Variants in PDCD4 observed in about 807,000 individuals in gnomAD.
PDCD4 encodes programmed cell death 4, also known as programmed cell death protein 4.
A neutral mutation model predicts 54.0 loss-of-function variants in PDCD4; 56 were observed. That is an observed-to-expected ratio of 1.04 (90% CI 0.84 to 1.30). PDCD4 has a LOEUF of 1.30. Ranked by LOEUF, PDCD4 falls within the 50% of genes most tolerant of loss-of-function variation. PDCD4 has a pLI of 0.00. For synonymous variants in PDCD4, 186 were observed against 194.8 expected, an observed-to-expected ratio of 0.95 and a Z score of 0.37; for missense variants, 584 against 559.8, an observed-to-expected ratio of 1.04 and a Z score of -0.44.
At position 110,894,497 on chromosome 10, in the gene PDCD4, C is replaced by A; in HGVS notation, c.1184C>A (p.Thr395Asn). The change falls in exon 10 of 12, where the codon ACC (threonine) becomes AAC (asparagine). Residue 395 changes from threonine to asparagine, a missense_variant. By Grantham distance (65) the Thr-to-Asn change is moderately conservative. Transcript: ENST00000280154. ...TTAAAGTCCCTTTGGAAGTCTTCTA[C>A]CATTACTGTAGACCAAATGAAAAGA... Reference protein sequence around the residue: ...DLLKSLWKSSTITVDQMKRGY... With the variant: ...DLLKSLWKSSNITVDQMKRGY... 1 of 1,511,758 alleles carries A rather than the reference C, an allele frequency of 6.6e-7. No individual in the cohort carries two copies. Among genetic ancestry groups the A allele is most frequent in the Non-Finnish European group, 9.2e-7 (1 of 1,089,404 alleles). The allele number at this position is 1,511,758 out of a possible 1,614,324, so 93.6% of individuals were successfully genotyped here. A position where few individuals can be genotyped will look rare whatever the true frequency, so the allele number is the denominator to read the frequency against.
chr10:110,881,170 A>C (rs1022826386), intron 2 of PDCD4, 63 bp from the exon 3 acceptor site: 1 of 1,207,028 alleles, frequency 8.3e-7, no homozygotes, highest in Admixed American at 2.1e-5. Context: ...ACTTACCACT[A>C]TATCTATAAA....
chr10:110,881,509 G>T lies in PDCD4; in HGVS notation c.320G>T (p.Gly107Val). Residue 107 changes from glycine (G) to valine (V), a missense_variant, in exon 3 of 12, where the codon GGG (glycine) becomes GTG (valine). Gly to Val is a moderately radical substitution (Grantham distance 109, BLOSUM62 -3). Transcript: ENST00000280154. ...TTGCTGGATAGGCGATCCAGATCTG[G>T]GAAAGGAAGGGGACTACCAAAGAAA... is the stretch of plus-strand genomic sequence containing the variant. ...GRLLDRRSRS[G>V]KGRGLPKKGG... The T allele has an allele frequency of 6.2e-7, 1 of 1,612,304 alleles. No individual in the cohort carries two copies. Among genetic ancestry groups the T allele is most frequent in the Non-Finnish European group, 8.5e-7 (1 of 1,178,420 alleles).
rs1845614735 is a variant in PDCD4, at chr10:110,882,993, A to G, written c.347-10A>G. ...TGTGTTTTTTCTTTCTCAATGCTAA[A>G]CTTTTTCAGGTGGTGCAGGAGGCAA... On this transcript the variant is annotated splice_polypyrimidine_tract_variant and intron_variant, in intron 3 of 11. Coordinates refer to ENST00000280154, the MANE Select transcript of PDCD4 (RefSeq NM_014456.5). 1.3e-6 allele frequency: 2 copies of G among 1,564,264 alleles called. No homozygotes were observed. Among genetic ancestry groups the G allele is most frequent in the East Asian group, 2.3e-5 (1 of 43,308 alleles).
intron 7 of PDCD4, 104 bp from the exon 8 acceptor site, chr10:110,890,452 T>C (rs1426398045): frequency 2.0e-6 from 1 of 494,188 alleles, no homozygotes. Context: ...TTTTATGTTA[T>C]GTGAAAGATT....
Position 110,876,043 on chromosome 10 carries a change from G to A in PDCD4, c.16G>A (p.Glu6Lys). The change falls in exon 2 of 12, where the codon GAG becomes AAG. Residue 6 changes from glutamate (E) to lysine (K), a missense_variant. Transcript: ENST00000280154. MDVEN[E>K]QILNVNPADP... Reference sequence around the variant, plus strand: ...TTAAGGGAAAATGGATGTAGAAAATGAGCAGATACTGAATGTAAACCCTGC... The same window carrying A: ...TTAAGGGAAAATGGATGTAGAAAATAAGCAGATACTGAATGTAAACCCTGC... 1 of 1,610,724 alleles carries A rather than the reference G, an allele frequency of 6.2e-7. No individual in the cohort carries two copies. The highest frequency in any genetic ancestry group is 1.7e-5 in the Admixed American group (1 of 59,670).
At chr10:110,878,292 G>A (rs1317342116) in intron 2 of PDCD4, among the ~76,000 whole-genome samples, 2 of 152,176 alleles carry the variant, frequency 1.3e-5, no homozygotes, top group African/African-American at 4.8e-5. Context: ...TACTGCTGCA[G>A]AGACACAAAC....
intron 2 of PDCD4, chr10:110,876,693 G>A: frequency 8.0e-7 from 1 of 1,254,508 alleles, no homozygotes; most frequent in Non-Finnish European, 1.0e-6. Context: ...ATTCTCCATG[G>A]TGCTTCAATA....
chr10:110,879,555 G>T (rs575195051), intron 2 of PDCD4, among the ~76,000 whole-genome samples: 1 of 151,930 alleles, frequency 6.6e-6, no homozygotes, highest in East Asian at 1.9e-4. Flanking sequence ...GTCCCAGCTG[G>T]GGCAGGAGAA....
intron 4 of PDCD4, 60 bp from the exon 5 acceptor site, chr10:110,885,193 A>G (rs530307854): frequency 1.8e-5 from 14 of 775,648 alleles, no homozygotes; most frequent in South Asian, 1.4e-4. Context: ...TTGTACAACA[A>G]TTTCACTTGT....
At chr10:110,895,414 C>CT (rs964640144) in intron 10 of PDCD4, among the ~76,000 whole-genome samples, 1 of 152,054 alleles carries the variant, frequency 6.6e-6, no homozygotes, top group African/African-American at 2.4e-5. Flanking sequence ...TGATTTTGTT[C>CT]TTTTTTATGG....
rs1408975021 is a variant in PDCD4, at chr10:110,883,861, T to C, written c.441+764T>C. On this transcript the variant is annotated intron_variant, in intron 4 of 11. Transcript: ENST00000280154. ...GTATGTATTTAAGTGTTTTAACTAA[T>C]AGATATGGAAATATTTCTAAGAGAA... Among the ~76,000 whole-genome samples the C allele has an allele frequency of 2.0e-5, 3 of 151,494 alleles. No homozygotes were observed. In the East Asian group the frequency reaches 5.8e-4, roughly 29 times the overall value.
intron 5 of PDCD4, 132 bp downstream of exon 5, chr10:110,885,498 A>G (rs2135205306): frequency 2.1e-6 from 1 of 481,578 alleles, no homozygotes; most frequent in Non-Finnish European, 3.7e-6. Context: ...GTGAATTTCT[A>G]AGAAATGGAA....
In PDCD4 at chr10:110,889,635, G is replaced by A. The variant is rs1845726446; in HGVS notation, c.875+5G>A. On this transcript the variant is annotated splice_donor_5th_base_variant and intron_variant, in intron 7 of 11. Transcript: ENST00000280154. ...TGTAGATTGTGTGCAGGCTAGGTAA[G>A]TAAATCACTTTTCCTACTTAGAATT... 4 of 1,487,668 alleles carry A rather than the reference G, an allele frequency of 2.7e-6. No individual in the cohort carries two copies. In the East Asian group the frequency reaches 6.8e-5, roughly 25 times the overall value. 92.2% of individuals were successfully genotyped at this position (1,487,668 alleles called of 1,614,324 possible). A position where few individuals can be genotyped will look rare whatever the true frequency, so the allele number is the denominator to read the frequency against.
rs776390161 is a variant in PDCD4, at chr10:110,894,120, C to T, written c.1020C>T (p.Leu340=). 10 of 1,606,088 alleles carry T rather than the reference C, an allele frequency of 6.2e-6. 1 individual carries two copies. The Admixed American group carries it at 1.3e-4, about 21-fold the overall frequency. Residue 340 remains leucine, a synonymous_variant, in exon 9 of 12, where the codon CTC becomes CTT. Coordinates refer to ENST00000280154, the MANE Select transcript of PDCD4 (RefSeq NM_014456.5). ...EIDMLLKEYL[L]SGDISEAEHC... ...ATATGCTGCTGAAAGAATATTTACTCTCTGGAGACATATCTGAAGCTGAAC... is the reference window on the plus strand; with the variant it reads ...ATATGCTGCTGAAAGAATATTTACTTTCTGGAGACATATCTGAAGCTGAAC...
chr10:110,894,712 C>G (rs2134006054), intron 10 of PDCD4, among the ~76,000 whole-genome samples, 190 bp downstream of exon 10: 1 of 146,464 alleles, frequency 6.8e-6, no homozygotes, highest in South Asian at 2.1e-4. Context: ...GAAAGTAACA[C>G]TGCAGTGTTT....
intron 4 of PDCD4, among the ~76,000 whole-genome samples, chr10:110,883,662 C>T (rs1279724913): frequency 2.6e-5 from 4 of 152,084 alleles, no homozygotes; most frequent in Non-Finnish European, 5.9e-5. Flanking sequence ...TACTCTCCGT[C>T]TTCTATTGGC....
At chr10:110,878,657 T>C (rs1024657532) in intron 2 of PDCD4, among the ~76,000 whole-genome samples, 2 of 152,242 alleles carry the variant, frequency 1.3e-5, no homozygotes, top group Non-Finnish European at 2.9e-5. Context: ...ATTCTAGTTT[T>C]GTATTTTCTG....
Position 110,898,647 on chromosome 10 carries a change from AAAG to A in PDCD4, c.*560_*562del, listed in dbSNP as rs1361159956. 6.5e-6 allele frequency: 1 copy of A among 152,680 alleles called. No homozygotes were observed. Among genetic ancestry groups the A allele is most frequent in the Non-Finnish European group, 1.5e-5 (1 of 68,040 alleles). 9.5% of individuals were successfully genotyped at this position (152,680 alleles called of 1,614,324 possible). ...TCTTAAAAGACTAGACAGTTAAGTAAAAGGTGGCTGGAACATCTATTTTTCTAC... is the reference window on the plus strand; with the variant it reads ...TCTTAAAAGACTAGACAGTTAAGTAAGTGGCTGGAACATCTATTTTTCTAC... On this transcript the variant is annotated 3_prime_UTR_variant, in exon 12 of 12. Coordinates refer to ENST00000280154, the MANE Select transcript of PDCD4 (RefSeq NM_014456.5).
chr10:110,880,159 C>T (rs948125164), intron 2 of PDCD4, among the ~76,000 whole-genome samples: 1 of 152,202 alleles, frequency 6.6e-6, no homozygotes, highest in Non-Finnish European at 1.5e-5. Flanking sequence ...GAAGGACACT[C>T]TGCTAGGTGA....
Sources: allele counts gnomAD v4.1 joint callset (sites outside exome capture counted in the v4.1 genomes callset), GRCh38; gene constraint gnomAD v4.1.1; transcripts MANE v1.5; gene names NCBI Gene and HGNC (gene_info 2026-07-23, HGNC 2026-07-21).